The following PCBP2 variants were observed in gnomAD, a reference collection of about 807,000 sequenced individuals.
PCBP2 encodes poly(rC) binding protein 2, also known as poly(rC)-binding protein 2.
A neutral mutation model predicts 50.1 loss-of-function variants in PCBP2; 4 were observed. The ratio of observed to expected loss-of-function variants is 0.08; its 90% CI spans 0.04 to 0.18. PCBP2 has a LOEUF of 0.18. PCBP2 is among the 10% of genes least tolerant of loss of function. The pLI is 1.00. For synonymous variants in PCBP2, 179 were observed against 168.0 expected, an observed-to-expected ratio of 1.07 and a Z score of -0.51; for missense variants, 161 against 474.3, an observed-to-expected ratio of 0.34 and a Z score of 6.14.
chr12:53,476,407 T>C (rs573758365), intron 14 of PCBP2, among the ~76,000 whole-genome samples: 1 of 152,354 alleles, frequency 6.6e-6, no homozygotes, highest in South Asian at 2.1e-4. Context: ...AGCTTTACTT[T>C]TACTCAATCG....
At chr12:53,457,965 G>T (rs1941158859) in intron 5 of PCBP2, among the ~76,000 whole-genome samples, 1 of 152,180 alleles carries the variant, frequency 6.6e-6, no homozygotes. Flanking sequence ...TTTCCTCCTT[G>T]TCGCCCAGGC....
chr12:53,459,916 A>C (rs1941330151), intron 6 of PCBP2: 2 of 448,426 alleles, frequency 4.5e-6, no homozygotes, highest in Non-Finnish European at 9.0e-6. Flanking sequence ...TCCCACCACC[A>C]CACCCAAATT....
intron 14 of PCBP2, among the ~76,000 whole-genome samples, 153 bp downstream of exon 14, chr12:53,471,960 G>A (rs1942267140): frequency 6.9e-6 from 1 of 145,694 alleles, no homozygotes; most frequent in Admixed American, 6.9e-5. Context: ...CTTTCTTAGA[G>A]TGTAGCAGAA....
intron 13 of PCBP2, among the ~76,000 whole-genome samples, chr12:53,469,760 CTTTTT>C (rs71444805): frequency 8.8e-5 from 10 of 114,170 alleles, no homozygotes; most frequent in Non-Finnish European, 1.6e-4. Flanking sequence ...ACATTTGCTG[CTTTTT>C]TTTTTTTTTT....
chr12:53,459,192 C>G (rs1473577159), intron 5 of PCBP2, 80 bp from the exon 6 acceptor site: 1 of 1,297,860 alleles, frequency 7.7e-7, no homozygotes, highest in Admixed American at 2.3e-5. Context: ...ATCACTTACC[C>G]TAATAAGGGT....
At position 53,481,124 on chromosome 12, in the gene PCBP2, TG is replaced by T; in HGVS notation, c.*1683del. ...TATGTGGCGCATATATATATATATA[TG>T]TATATATATATAATTTATATAAATA... is the stretch of plus-strand genomic sequence containing the variant. On this transcript the variant is annotated 3_prime_UTR_variant, in exon 15 of 15. Coordinates refer to ENST00000546463, the MANE Select transcript of PCBP2 (RefSeq NM_031989.5). 1 of 627,402 alleles carries T rather than the reference TG, an allele frequency of 1.6e-6. No homozygotes were observed. The allele number at this position is 627,402 out of a possible 1,614,324, so 38.9% of individuals were successfully genotyped here.
At chr12:53,479,325 T>C in intron 14 of PCBP2, 81 bp from the exon 15 acceptor site, 1 of 1,256,746 alleles carries the variant, frequency 8.0e-7, no homozygotes, top group Non-Finnish European at 1.2e-6. Flanking sequence ...TTATTTACTC[T>C]TCACATTTCA....
intron 13 of PCBP2, among the ~76,000 whole-genome samples, chr12:53,470,175 G>A (rs1942109469): frequency 6.6e-6 from 1 of 151,688 alleles, no homozygotes; most frequent in South Asian, 2.2e-4. Flanking sequence ...CACGAGGTCA[G>A]GAGACCAGCC....
At position 53,452,358 on chromosome 12, in the gene PCBP2, A is replaced by G. The variant is rs1465865710; in HGVS notation, c.-94A>G. 9.0e-6 allele frequency: 1 copy of G among 110,970 alleles called. No individual in the cohort carries two copies. Among genetic ancestry groups the G allele is most frequent in the African/African-American group, 3.5e-5 (1 of 28,870 alleles). The allele number at this position is 110,970 out of a possible 1,614,324, so 6.9% of individuals were successfully genotyped here. A position where few individuals can be genotyped will look rare whatever the true frequency, so the allele number is the denominator to read the frequency against. ...TCCCGCCCGCTCCCCTTTTCCCCTCAGTCGCCTCGCGCCTGCAGGTAAGCC... is the reference window on the plus strand; with the variant it reads ...TCCCGCCCGCTCCCCTTTTCCCCTCGGTCGCCTCGCGCCTGCAGGTAAGCC... On this transcript the variant is annotated 5_prime_UTR_variant, in exon 1 of 15. Transcript: ENST00000546463.
Position 53,481,109 on chromosome 12 carries a change from ATATATATATATATATG to A in PCBP2, c.*1680_*1695del, listed in dbSNP as rs1592704018. The stretch of plus-strand genomic sequence containing the variant: ...CATCTTTCTGTTGATTATGTGGCGC[ATATATATATATATATG>A]TATATATATATAATTTATATAAATA... On this transcript the variant is annotated 3_prime_UTR_variant, in exon 15 of 15. Coordinates refer to ENST00000546463, the MANE Select transcript of PCBP2 (RefSeq NM_031989.5). The A allele has an allele frequency of 6.2e-6, 2 of 324,284 alleles. No individual in the cohort carries two copies. Among genetic ancestry groups the A allele is most frequent in the Non-Finnish European group, 9.1e-6 (2 of 219,128 alleles). 20.1% of individuals were successfully genotyped at this position (324,284 alleles called of 1,614,324 possible).
At chr12:53,468,113 A>G in intron 12 of PCBP2, 2 of 417,342 alleles carry the variant, frequency 4.8e-6, no homozygotes, top group East Asian at 7.3e-5. Flanking sequence ...AGGTGTTGTT[A>G]AAGATGGGTA....
chr12:53,460,934 T>C, intron 6 of PCBP2, 81 bp from the exon 7 acceptor site: 1 of 1,475,274 alleles, frequency 6.8e-7, no homozygotes, highest in South Asian at 1.2e-5. Flanking sequence ...ACTAGAGTTT[T>C]AGGCTCTGAA....
At chr12:53,456,296 A>G (rs955658432) in intron 5 of PCBP2, among the ~76,000 whole-genome samples, 6 of 152,052 alleles carry the variant, frequency 3.9e-5, no homozygotes, top group African/African-American at 1.4e-4. Flanking sequence ...CGTCTCTACT[A>G]AAAATACAAG....
At position 53,467,175 on chromosome 12, in the gene PCBP2, G is replaced by A. The variant is rs1565866947; in HGVS notation, c.715-46G>A. On this transcript the variant is annotated intron_variant, in intron 10 of 14. Coordinates refer to ENST00000546463, the MANE Select transcript of PCBP2 (RefSeq NM_031989.5). ...CAAATTCGAATGTGCTTGAGCCCTG[G>A]CTCTGTTAAATCTTCTAATGCCAAC... 6 of 1,463,316 alleles carry A rather than the reference G, an allele frequency of 4.1e-6. No homozygotes were observed. The South Asian group carries it at 5.8e-5, about 14-fold the overall frequency. The allele number at this position is 1,463,316 out of a possible 1,614,324, so 90.6% of individuals were successfully genotyped here.
intron 7 of PCBP2, among the ~76,000 whole-genome samples, chr12:53,461,910 T>C (rs2137050256): frequency 6.6e-6 from 1 of 152,262 alleles, no homozygotes; most frequent in East Asian, 1.9e-4. Flanking sequence ...GATTTTGCCA[T>C]GTTGCCCAGG....
At chr12:53,453,473 T>C (rs1019449553) in intron 1 of PCBP2, among the ~76,000 whole-genome samples, 3 of 152,212 alleles carry the variant, frequency 2.0e-5, no homozygotes, top group Non-Finnish European at 4.4e-5. Context: ...GATGCACTTA[T>C]ATAATCACTT....
At chr12:53,469,581 C>A (rs1034483036) in intron 13 of PCBP2, among the ~76,000 whole-genome samples, 1 of 151,940 alleles carries the variant, frequency 6.6e-6, no homozygotes, top group Admixed American at 6.6e-5. Context: ...AAGCAAAAAG[C>A]CTGGCATGGT....
intron 13 of PCBP2, 84 bp downstream of exon 13, chr12:53,468,916 CCTT>C: frequency 1.2e-6 from 1 of 841,386 alleles, no homozygotes; most frequent in Non-Finnish European, 1.8e-6. Context: ...GTCCTGCTAC[CCTT>C]TTTTTTTTTT....
At chr12:53,471,336 T>G (rs1275231709) in intron 13 of PCBP2, among the ~76,000 whole-genome samples, 2 of 151,730 alleles carry the variant, frequency 1.3e-5, no homozygotes, top group Non-Finnish European at 2.9e-5. Context: ...TCCCAGCACT[T>G]TGGGAGGCCA....
Sources: allele counts gnomAD v4.1 joint callset (sites outside exome capture counted in the v4.1 genomes callset), GRCh38; gene constraint gnomAD v4.1.1; transcripts MANE v1.5; gene names NCBI Gene and HGNC (gene_info 2026-07-23, HGNC 2026-07-21).